The following ELAPOR2 variants were observed in gnomAD, a reference collection of about 807,000 sequenced individuals.
The protein encoded by ELAPOR2 is endosome/lysosome-associated apoptosis and autophagy regulator family member 2.
Under a neutral mutation model 120.7 loss-of-function variants are expected in ELAPOR2, and 89 were observed. The observed-to-expected ratio is 0.74, with a 90% confidence interval of 0.62 to 0.88. The LOEUF is 0.88. Among genes scored for constraint, ELAPOR2 ranks in the 40% least tolerant of loss-of-function variants. The pLI is 0.00. For synonymous variants in ELAPOR2, 444 were observed against 444.9 expected, an observed-to-expected ratio of 1.00 and a Z score of 0.03; for missense variants, 1,134 against 1,251.6, an observed-to-expected ratio of 0.91 and a Z score of 1.42.
rs1790742124 is a variant in ELAPOR2 at position 86,940,089 on chromosome 7, T to C, written c.768A>G (p.Ile256Met). ...HSVMLKSGTN[I>M]LYWRTTGILM... is the part of the protein sequence containing the mutation. ...GGATGCCTGTAGTTCTCCAGTAGAG[T>C]ATGTTTGTGCCTGATTTCAGCATTA... Residue 256 changes from isoleucine to methionine, a missense_variant, in exon 6 of 22, where the codon ATA (isoleucine) becomes ATG (methionine). Physicochemically the swap from Ile to Met is conservative, Grantham distance 10. Around this residue, in one of 3 missense-constraint regions of ELAPOR2, gnomAD observed 280 missense variants for 331.5 expected, o/e 0.84. Transcript: ENST00000450689. 6.2e-7 allele frequency: 1 copy of C among 1,611,456 alleles called. No individual in the cohort carries two copies. The highest frequency in any genetic ancestry group is 8.5e-7 in the Non-Finnish European group (1 of 1,178,416).
intron 21 of ELAPOR2, among the ~76,000 whole-genome samples, chr7:86,889,912 T>C (rs1788055507): frequency 6.6e-6 from 1 of 151,982 alleles, no homozygotes; most frequent in Non-Finnish European, 1.5e-5. Context: ...TTTGTTCAGC[T>C]AGTTGAGTCT....
chr7:86,942,141 T>C, intron 4 of ELAPOR2, 37 bp from the exon 5 acceptor site: 1 of 1,201,202 alleles, frequency 8.3e-7, no homozygotes, highest in Non-Finnish European at 1.2e-6. Flanking sequence ...TAAAGTGTCT[T>C]GAATAACAGC....
At chr7:87,036,431 C>G (rs1216070782) in intron 1 of ELAPOR2, among the ~76,000 whole-genome samples, 1 of 152,174 alleles carries the variant, frequency 6.6e-6, no homozygotes, top group Non-Finnish European at 1.5e-5. Flanking sequence ...ACTATGTGAG[C>G]TGTTATTGTA....
chr7:86,888,765 G>GAC (rs1799810623), intron 21 of ELAPOR2, among the ~76,000 whole-genome samples: 1 of 152,108 alleles, frequency 6.6e-6, no homozygotes, highest in Non-Finnish European at 1.5e-5. Context: ...ACAAAAAGGA[G>GAC]ACATCATTAT....
chr7:86,908,499 C>A lies in ELAPOR2; in HGVS notation c.2404G>T (p.Asp802Tyr). The change falls in exon 17 of 22, where the codon GAT becomes TAT. Residue 802 changes from aspartate (D) to tyrosine (Y), a missense_variant. Asp to Tyr is a radical substitution (Grantham distance 160). This residue lies in a region of ELAPOR2 where 831 missense variants were observed against 867.6 expected (regional missense o/e 0.96). Coordinates refer to ENST00000450689, the MANE Select transcript of ELAPOR2 (RefSeq NM_001142749.3). ...TGGCTTGTTGGAACTGGGAACATATCTTCTTTTATATTAATATTTTTCAAT... is the reference window on the plus strand; with the variant it reads ...TGGCTTGTTGGAACTGGGAACATATATTCTTTTATATTAATATTTTTCAAT... ...TTLKNINIKEDMFPVPTSQIP... is the reference protein window; with the variant it reads ...TTLKNINIKEYMFPVPTSQIP... 6.3e-7 allele frequency: 1 copy of A among 1,584,492 alleles called. No homozygotes were observed. Among genetic ancestry groups the A allele is most frequent in the Non-Finnish European group, 8.6e-7 (1 of 1,164,870 alleles).
chr7:86,904,561 CA>C (rs1788879650), intron 18 of ELAPOR2, among the ~76,000 whole-genome samples: 1 of 152,184 alleles, frequency 6.6e-6, no homozygotes, highest in African/African-American at 2.4e-5. Flanking sequence ...TAAAATGTTT[CA>C]TACCCTCCAG....
intron 8 of ELAPOR2, among the ~76,000 whole-genome samples, chr7:86,929,451 T>C (rs1439549978): frequency 6.6e-6 from 1 of 151,962 alleles, no homozygotes; most frequent in African/African-American, 2.4e-5. Flanking sequence ...TCCCAGGCTG[T>C]CTCAAACCTT....
intron 8 of ELAPOR2, among the ~76,000 whole-genome samples, chr7:86,937,908 T>C (rs1293587447): frequency 6.6e-6 from 1 of 152,064 alleles, no homozygotes; most frequent in Non-Finnish European, 1.5e-5. Flanking sequence ...ATAAAAAAAT[T>C]GAGGCCTAGA....
chr7:86,927,887 A>C (rs1256806943), intron 8 of ELAPOR2, among the ~76,000 whole-genome samples: 1 of 152,030 alleles, frequency 6.6e-6, no homozygotes, highest in African/African-American at 2.4e-5. Context: ...TTCTCCTTTA[A>C]AACAACTTCT....
chr7:86,968,288 C>A (rs1205510719), intron 1 of ELAPOR2, among the ~76,000 whole-genome samples: 1 of 152,040 alleles, frequency 6.6e-6, no homozygotes. Flanking sequence ...TTCAAAGGAT[C>A]ATTTAAAAGA....
chr7:87,039,369 G>GA, intron 1 of ELAPOR2, among the ~76,000 whole-genome samples: 1 of 152,124 alleles, frequency 6.6e-6, no homozygotes, highest in Non-Finnish European at 1.5e-5. Context: ...AAGCTATTCT[G>GA]AAAACCCAAG....
chr7:86,927,339 T>C (rs534708071), intron 8 of ELAPOR2, among the ~76,000 whole-genome samples: 19 of 152,108 alleles, frequency 1.2e-4, no homozygotes, highest in East Asian at 7.8e-4. Flanking sequence ...GCTTTGCACA[T>C]AGCAATCACA....
intron 21 of ELAPOR2, among the ~76,000 whole-genome samples, chr7:86,887,191 G>C (rs1799731916): frequency 6.6e-6 from 1 of 152,076 alleles, no homozygotes; most frequent in Admixed American, 6.6e-5. Context: ...GCCCAGGTAA[G>C]GATCCTTCTT....
At position 86,954,414 on chromosome 7, in the gene ELAPOR2, G is replaced by C. The variant is rs530233049; in HGVS notation, c.311-6492C>G. Among the ~76,000 whole-genome samples the C allele has an allele frequency of 4.6e-5, 7 of 152,088 alleles. No individual in the cohort carries two copies. In the South Asian group the frequency reaches 8.3e-4, roughly 18 times the overall value. ...AGACCTCATGTTTTGAAAGACTATG[G>C]CTGTCAATTACATTTATTCATAATT... On this transcript the variant is annotated intron_variant, in intron 2 of 21. Transcript: ENST00000450689.
At chr7:86,938,709 C>G (rs969574554) in intron 7 of ELAPOR2, 99 bp downstream of exon 7, 1 of 1,245,500 alleles carries the variant, frequency 8.0e-7, no homozygotes, top group Non-Finnish European at 1.1e-6. Flanking sequence ...GTTTCAGGCA[C>G]CACTGCTGTC....
intron 10 of ELAPOR2, among the ~76,000 whole-genome samples, chr7:86,921,623 C>T (rs755045437): frequency 6.6e-6 from 1 of 152,088 alleles, no homozygotes; most frequent in Non-Finnish European, 1.5e-5. Context: ...GTTTGTGGCA[C>T]TCTGTTGCAG....
chr7:86,985,539 C>A (rs182088941), intron 1 of ELAPOR2, among the ~76,000 whole-genome samples: 116 of 152,272 alleles, frequency 7.6e-4, no homozygotes, highest in East Asian at 2.3e-3. Flanking sequence ...GTTCAACATA[C>A]GCAAATCAAT....
At chr7:86,910,384 T>C (rs1296699436) in intron 15 of ELAPOR2, among the ~76,000 whole-genome samples, 2 of 152,142 alleles carry the variant, frequency 1.3e-5, no homozygotes, top group African/African-American at 4.8e-5. Context: ...AAAGCTTCAG[T>C]GTCAAAGAAA....
intron 18 of ELAPOR2, among the ~76,000 whole-genome samples, chr7:86,902,711 C>T (rs977892575): frequency 2.0e-5 from 3 of 152,176 alleles, no homozygotes; most frequent in African/African-American, 7.2e-5. Context: ...GGGAAGTTTG[C>T]ACCCTTTGCA....
Sources: allele counts gnomAD v4.1 joint callset (sites outside exome capture counted in the v4.1 genomes callset), GRCh38; gene constraint gnomAD v4.1.1; regional missense constraint gnomAD v4.1.1; transcripts MANE v1.5; gene names NCBI Gene and HGNC (gene_info 2026-07-23, HGNC 2026-07-21).